Variants in HIBADH observed in about 807,000 individuals in gnomAD.
HIBADH encodes the protein 3-hydroxyisobutyrate dehydrogenase, mitochondrial.
Under a neutral mutation model 36.1 loss-of-function variants are expected in HIBADH, and 25 were observed. The observed-to-expected ratio is 0.69, with a 90% confidence interval of 0.50 to 0.97. The LOEUF is 0.97. HIBADH is among the 50% of genes least tolerant of loss of function. The pLI, the probability that HIBADH is intolerant of heterozygous loss-of-function variation, is 0.00. For synonymous variants in HIBADH, 160 were observed against 149.5 expected (o/e 1.07, Z -0.51); for missense variants, 421 against 418.0 (o/e 1.01, Z -0.06).
At chr7:27,592,416 A>G (rs1784952652) in intron 4 of HIBADH, among the ~76,000 whole-genome samples, 1 of 152,226 alleles carries the variant, frequency 6.6e-6, no homozygotes. Context: ...TTAGGTCAGA[A>G]ACCAAAATAG....
rs138770696 is a variant in HIBADH at position 27,656,289 on chromosome 7, T to C, written c.91+6409A>G. Among the ~76,000 whole-genome samples the C allele has an allele frequency of 7.9e-3, 1,198 of 152,326 alleles. 32 individuals are homozygous for C. Among genetic ancestry groups the C allele is most frequent in the Non-Finnish European group, 4.7e-3 (317 of 68,036 alleles). On this transcript the variant is annotated intron_variant, in intron 1 of 7. Coordinates refer to ENST00000265395, the MANE Select transcript of HIBADH (RefSeq NM_152740.4). ...TTAAATTCTGAACAACACAAAGATATAGTTTATTACAGCACTACTTGTAAC... is the reference window on the plus strand; with the variant it reads ...TTAAATTCTGAACAACACAAAGATACAGTTTATTACAGCACTACTTGTAAC...
chr7:27,633,161 G>A (rs774316388), intron 2 of HIBADH, among the ~76,000 whole-genome samples: 5 of 152,116 alleles, frequency 3.3e-5, no homozygotes, highest in African/African-American at 7.2e-5. Context: ...TAATGACCAC[G>A]AACATACTGC....
At chr7:27,651,195 G>C (rs1208455185) in intron 1 of HIBADH, among the ~76,000 whole-genome samples, 1 of 152,168 alleles carries the variant, frequency 6.6e-6, no homozygotes, top group Non-Finnish European at 1.5e-5. Context: ...TTTGTTAAAA[G>C]CAAATTATTT....
chr7:27,598,964 A>G (rs1785077048), intron 4 of HIBADH, among the ~76,000 whole-genome samples: 1 of 152,106 alleles, frequency 6.6e-6, no homozygotes, highest in African/African-American at 2.4e-5. Context: ...CTGAAAAAAA[A>G]AAGAAAAAGT....
At position 27,574,561 on chromosome 7, in the gene HIBADH, T is replaced by A. The variant is rs187008469; in HGVS notation, c.485-31461A>T. ...CTTGCAAGTTAGCTTCTGTCATAACTAAGTACATAGATAGGTTCAGACATG... is the reference window on the plus strand; with the variant it reads ...CTTGCAAGTTAGCTTCTGTCATAACAAAGTACATAGATAGGTTCAGACATG... On this transcript the variant is annotated intron_variant, in intron 4 of 7. Coordinates refer to ENST00000265395, the MANE Select transcript of HIBADH (RefSeq NM_152740.4). Among the ~76,000 whole-genome samples the A allele has an allele frequency of 1.4e-3, 218 of 152,290 alleles. 1 individual carries two copies. The highest frequency in any genetic ancestry group is 3.6e-3 in the Admixed American group (55 of 15,288).
intron 1 of HIBADH, among the ~76,000 whole-genome samples, chr7:27,658,145 TA>T (rs1786341849): frequency 1.3e-5 from 2 of 151,792 alleles, no homozygotes; most frequent in Non-Finnish European, 2.9e-5. Flanking sequence ...TTGGCAAATA[TA>T]AAATAATTTG....
At chr7:27,645,368 A>ATGTTTTTTTTTTT (rs1554300959) in intron 2 of HIBADH, among the ~76,000 whole-genome samples, 1,153 of 59,640 alleles carry the variant, frequency 0.019, 339 homozygotes, top group African/African-American at 0.027. Context: ...CATGGTTTTG[A>ATGTTTTTTTTTTT]TTTTTTTTTT....
Position 27,577,164 on chromosome 7 carries a change from C to CTTT in HIBADH, c.485-34065_485-34064insAAA, listed in dbSNP as rs35467427. 4.1e-4 allele frequency among the ~76,000 whole-genome samples: 59 copies of CTTT among 143,910 alleles called. 2 individuals carry two copies. Among genetic ancestry groups the CTTT allele is most frequent in the Non-Finnish European group, 5.5e-4 (36 of 66,034 alleles). 94.4% of individuals were successfully genotyped at this position (143,910 alleles called of 152,430 possible). A position where few individuals can be genotyped will look rare whatever the true frequency, so the allele number is the denominator to read the frequency against. On this transcript the variant is annotated intron_variant, in intron 4 of 7. Transcript: ENST00000265395. ...TGTGAACTTTCCAAGCATCATTTCT[C>CTTT]TCTTTTTTTTTTTTTTGAGATGGAG...
intron 2 of HIBADH, among the ~76,000 whole-genome samples, chr7:27,633,544 A>G (rs1395844885): frequency 6.6e-6 from 1 of 152,162 alleles, no homozygotes; most frequent in Non-Finnish European, 1.5e-5. Context: ...CAGTAGTCCC[A>G]GCTCCTTGGG....
At chr7:27,610,092 T>A (rs1458912568) in intron 4 of HIBADH, among the ~76,000 whole-genome samples, 1 of 152,150 alleles carries the variant, frequency 6.6e-6, no homozygotes, top group African/African-American at 2.4e-5. Context: ...GTGCTGGGAT[T>A]ACAGACATGA....
At chr7:27,654,576 G>C (rs1297601572) in intron 1 of HIBADH, among the ~76,000 whole-genome samples, 2 of 151,568 alleles carry the variant, frequency 1.3e-5, no homozygotes, top group Admixed American at 1.3e-4. Flanking sequence ...AATACCAGAA[G>C]GAAAAAACAA....
At chr7:27,579,087 G>C (rs1344361257) in intron 4 of HIBADH, among the ~76,000 whole-genome samples, 2 of 152,152 alleles carry the variant, frequency 1.3e-5, no homozygotes, top group Non-Finnish European at 2.9e-5. Context: ...TGTAACATAT[G>C]AACTTTTATT....
At chr7:27,654,091 AAT>A (rs1166258678) in intron 1 of HIBADH, among the ~76,000 whole-genome samples, 5 of 152,222 alleles carry the variant, frequency 3.3e-5, no homozygotes, top group Non-Finnish European at 7.3e-5. Flanking sequence ...CTACTACTAA[AAT>A]ATGTGAGATG....
intron 4 of HIBADH, among the ~76,000 whole-genome samples, chr7:27,587,309 A>C (rs1266989340): frequency 1.3e-5 from 2 of 152,166 alleles, no homozygotes; most frequent in African/African-American, 4.8e-5. Context: ...GCAAAAGAAA[A>C]CCTTCTAATC....
chr7:27,581,144 C>G lies in HIBADH; in HGVS notation c.485-38044G>C, dbSNP rs977863932. 5.3e-5 allele frequency among the ~76,000 whole-genome samples: 8 copies of G among 152,268 alleles called. No homozygotes were observed. In the South Asian group the frequency reaches 8.3e-4, roughly 16 times the overall value. ...AAGGAAATGAAGGGGAACTGTCAAG[C>G]AGCCCTAAGGGCCAACTTGGGATTA... is the stretch of plus-strand genomic sequence containing the variant. On this transcript the variant is annotated intron_variant, in intron 4 of 7. Transcript: ENST00000265395.
intron 4 of HIBADH, among the ~76,000 whole-genome samples, chr7:27,556,314 T>C (rs1285507458): frequency 1.3e-5 from 2 of 152,208 alleles, no homozygotes; most frequent in African/African-American, 4.8e-5. Context: ...TCTTGGTCTT[T>C]TTCTTGTTAA....
chr7:27,561,027 T>C (rs1172123466), intron 4 of HIBADH, among the ~76,000 whole-genome samples: 1 of 152,318 alleles, frequency 6.6e-6, no homozygotes, highest in African/African-American at 2.4e-5. Context: ...AATCTCTTTG[T>C]GGTTTTGATT....
intron 2 of HIBADH, among the ~76,000 whole-genome samples, chr7:27,644,721 C>T (rs1267903477): frequency 6.6e-6 from 1 of 151,452 alleles, no homozygotes; most frequent in Non-Finnish European, 1.5e-5. Flanking sequence ...GCCAAGATCG[C>T]ACCACTGCAC....
intron 4 of HIBADH, among the ~76,000 whole-genome samples, chr7:27,619,165 C>T (rs1785492082): frequency 6.6e-6 from 1 of 152,148 alleles, no homozygotes; most frequent in Admixed American, 6.5e-5. Context: ...ATAACTTCAC[C>T]CTAACCCTCC....
Sources: gnomAD v4.1 joint callset for allele counts (sites outside exome capture counted in the v4.1 genomes callset) on GRCh38, gnomAD v4.1.1 for gene constraint, MANE v1.5 for transcripts, NCBI Gene and HGNC (gene_info 2026-07-23, HGNC 2026-07-21) for gene names.